The following TMCO4 variants were observed in gnomAD, a reference collection of about 807,000 sequenced individuals.
TMCO4 encodes transmembrane and coiled-coil domains 4.
In TMCO4, 58 loss-of-function variants were observed where a neutral mutation model predicts 64.7. The observed-to-expected ratio is 0.90, with a 90% CI of 0.73 to 1.12. The LOEUF is 1.12. Ranked by LOEUF, TMCO4 falls within the 50% of genes most tolerant of loss-of-function variation. The pLI, the probability that TMCO4 is intolerant of heterozygous loss-of-function variation, is 0.00. For synonymous variants in TMCO4, 325 were observed against 346.1 expected (o/e 0.94, Z 0.68); for missense variants, 780 against 825.9 (o/e 0.94, Z 0.68).
chr1:19,725,538 G>A (rs1458548573), intron 13 of TMCO4, among the ~76,000 whole-genome samples: 1 of 152,164 alleles, frequency 6.6e-6, no homozygotes, highest in Non-Finnish European at 1.5e-5. Flanking sequence ...GTCCCATAGT[G>A]AGTGCTCAGA....
chr1:19,736,341 G>T (rs949220411), intron 13 of TMCO4, among the ~76,000 whole-genome samples: 13 of 152,082 alleles, frequency 8.5e-5, no homozygotes, highest in African/African-American at 2.7e-4. Flanking sequence ...CTCCCACCGG[G>T]TCCCTCCCAT....
chr1:19,704,149 C>T lies in TMCO4; in HGVS notation c.1265-3264G>A, dbSNP rs75736744. 7.5e-3 allele frequency among the ~76,000 whole-genome samples: 1,145 copies of T among 152,358 alleles called. 14 individuals carry two copies. The highest frequency in any genetic ancestry group is 0.022 in the South Asian group (106 of 4,830). Reference sequence around the variant, plus strand: ...CCAAGCTCTCTGAGTTCCCCTCTGGCTCTGAGGTTAAAAGACTCCATAGCA... The same window carrying T: ...CCAAGCTCTCTGAGTTCCCCTCTGGTTCTGAGGTTAAAAGACTCCATAGCA... On this transcript the variant is annotated intron_variant, in intron 13 of 15. Coordinates refer to ENST00000294543, the MANE Select transcript of TMCO4 (RefSeq NM_181719.7).
chr1:19,748,337 G>T (rs2041878511), intron 7 of TMCO4, among the ~76,000 whole-genome samples: 2 of 152,202 alleles, frequency 1.3e-5, no homozygotes, highest in African/African-American at 4.8e-5. Context: ...TTGTTGGCTT[G>T]TAAGGATTAA....
At chr1:19,785,452 C>T (rs1220136093) in intron 3 of TMCO4, among the ~76,000 whole-genome samples, 1 of 152,088 alleles carries the variant, frequency 6.6e-6, no homozygotes. Context: ...CTGCCACACC[C>T]CGAGCTTTCT....
chr1:19,694,035 T>G (rs1303927289), intron 15 of TMCO4, among the ~76,000 whole-genome samples: 1 of 152,178 alleles, frequency 6.6e-6, no homozygotes, highest in Non-Finnish European at 1.5e-5. Flanking sequence ...AGGGTTGTGC[T>G]CTGATGCCTA....
At chr1:19,745,779 T>A in intron 9 of TMCO4, 128 bp from the exon 10 acceptor site, 1 of 1,287,276 alleles carries the variant, frequency 7.8e-7, no homozygotes, top group Non-Finnish European at 1.1e-6. Flanking sequence ...GAAAAACACA[T>A]TTTGTGTTTG....
chr1:19,793,898 G>A (rs1487273604), intron 2 of TMCO4, among the ~76,000 whole-genome samples: 2 of 152,092 alleles, frequency 1.3e-5, no homozygotes, highest in African/African-American at 2.4e-5. Flanking sequence ...CAACCCAGCT[G>A]TTCAAGCACA....
rs116536005 is a variant in TMCO4 at position 19,694,858 on chromosome 1, A to C, written c.1383-307T>G. ...AACAGTGTCTGGCATGCAATAGAGG[A>C]ATATCTGCTGAATGAATGAATGAAT... is the stretch of plus-strand genomic sequence containing the variant. On this transcript the variant is annotated intron_variant, in intron 14 of 15. Coordinates refer to ENST00000294543, the MANE Select transcript of TMCO4 (RefSeq NM_181719.7). Among the ~76,000 whole-genome samples the C allele has an allele frequency of 4.3e-3, 661 of 152,338 alleles. 2 individuals are homozygous for C. Among genetic ancestry groups the C allele is most frequent in the Non-Finnish European group, 6.0e-3 (410 of 68,020 alleles).
In TMCO4 at chr1:19,700,962, A is replaced by G. The variant is rs114087169; in HGVS notation, c.1265-77T>C. The stretch of plus-strand genomic sequence containing the variant: ...CTGGGAGGGACTCCAACAGCAGTGG[A>G]GGAGATGAATGTCACACACATACAC... On this transcript the variant is annotated intron_variant, in intron 13 of 15. Coordinates refer to ENST00000294543, the MANE Select transcript of TMCO4 (RefSeq NM_181719.7). 701 of 1,153,938 alleles carry G rather than the reference A, an allele frequency of 6.1e-4. 3 individuals are homozygous for G. In the African/African-American group the frequency reaches 9.8e-3, roughly 16 times the overall value. 71.5% of individuals were successfully genotyped at this position (1,153,938 alleles called of 1,614,324 possible).
intron 13 of TMCO4, among the ~76,000 whole-genome samples, chr1:19,720,003 TA>T (rs1378986587): frequency 8.3e-6 from 1 of 120,318 alleles, no homozygotes; most frequent in Non-Finnish European, 1.8e-5. Context: ...AAAAGGAAAA[TA>T]ATTTTTTTTT....
intron 15 of TMCO4, among the ~76,000 whole-genome samples, chr1:19,688,334 T>C (rs7543480): frequency 0.52 from 79,467 of 151,964 alleles, 22,484 homozygotes; most frequent in Non-Finnish European, 0.64. Context: ...ACCAGATCCC[T>C]GCAGGTACAA....
chr1:19,698,832 G>A (rs2095253155), intron 14 of TMCO4, among the ~76,000 whole-genome samples: 1 of 152,202 alleles, frequency 6.6e-6, no homozygotes, highest in Non-Finnish European at 1.5e-5. Context: ...GGTTTAATAA[G>A]ATTTTGCTGT....
At chr1:19,737,295 G>A in intron 13 of TMCO4, 77 bp downstream of exon 13, 1 of 1,445,584 alleles carries the variant, frequency 6.9e-7, no homozygotes, top group African/African-American at 1.4e-5. Context: ...CAAGGCTCAT[G>A]GCCCCTGGCC....
At chr1:19,692,171 C>T (rs956061694) in intron 15 of TMCO4, among the ~76,000 whole-genome samples, 6 of 152,260 alleles carry the variant, frequency 3.9e-5, no homozygotes, top group African/African-American at 1.4e-4. Context: ...TAACTAGAAA[C>T]CAAAGATTTT....
chr1:19,780,551 C>T lies in TMCO4; in HGVS notation c.179+29G>A, dbSNP rs762804215. The T allele has an allele frequency of 1.9e-6, 3 of 1,561,428 alleles. No individual in the cohort carries two copies. In the Admixed American group the frequency reaches 5.8e-5, roughly 30 times the overall value. On this transcript the variant is annotated intron_variant, in intron 4 of 15. Coordinates refer to ENST00000294543, the MANE Select transcript of TMCO4 (RefSeq NM_181719.7). ...TAGTTGTTCCCCTGAAGAAGCATGA[C>T]CTTCCCACTGCAAGACAGAAGAACT...
intron 7 of TMCO4, among the ~76,000 whole-genome samples, chr1:19,753,330 G>A (rs1015232409): frequency 1.3e-5 from 2 of 152,190 alleles, no homozygotes; most frequent in African/African-American, 2.4e-5. Flanking sequence ...TGCCAAGCAC[G>A]GGTCCCAGCT....
chr1:19,715,654 CG>C (rs1486344044), intron 13 of TMCO4, among the ~76,000 whole-genome samples: 1 of 152,200 alleles, frequency 6.6e-6, no homozygotes, highest in Non-Finnish European at 1.5e-5. Context: ...GAAAGGCAGT[CG>C]GTAACTCTCC....
rs200115106 is a variant in TMCO4 at position 19,720,660 on chromosome 1, C to CTT, written c.1264+16711_1264+16712insAA. ...CATAAATAAATAAATAAATACGTGT[C>CTT]TAAGAAAACGAGTTAACAAAAGATC... On this transcript the variant is annotated intron_variant, in intron 13 of 15. Transcript: ENST00000294543. Among the ~76,000 whole-genome samples, 670 of 151,890 alleles carry CTT rather than the reference C, an allele frequency of 4.4e-3. 6 individuals are homozygous for CTT. The highest frequency in any genetic ancestry group is 0.016 in the African/African-American group (645 of 41,254).
chr1:19,757,162 G>GGC (rs1553145657), intron 6 of TMCO4, among the ~76,000 whole-genome samples: 2 of 139,756 alleles, frequency 1.4e-5, no homozygotes, highest in East Asian at 3.9e-4. Context: ...GTGGTGGCGG[G>GGC]GGGGGGCGCC....
Sources: gnomAD v4.1 joint callset for allele counts (sites outside exome capture counted in the v4.1 genomes callset) on GRCh38, gnomAD v4.1.1 for gene constraint, MANE v1.5 for transcripts, NCBI Gene and HGNC (gene_info 2026-07-23, HGNC 2026-07-21) for gene names.